PLCXD3: variants seen among roughly 807,000 people sequenced by gnomAD.
PLCXD3 encodes PI-PLC X domain-containing protein 3.
PLCXD3 carries 19 observed loss-of-function variants against 25.5 expected under a neutral mutation model. That is an observed-to-expected ratio of 0.75 (90% CI 0.52 to 1.09). The LOEUF is 1.09. PLCXD3 is among the 50% of genes least tolerant of loss of function. The pLI, the probability that PLCXD3 is intolerant of heterozygous loss-of-function variation, is 0.00. For synonymous variants in PLCXD3, 174 were observed against 137.6 expected, an observed-to-expected ratio of 1.26 and a Z score of -1.85; for missense variants, 411 against 388.1, an observed-to-expected ratio of 1.06 and a Z score of -0.50.
At chr5:41,403,401 GT>G (rs769067580) in intron 1 of PLCXD3, among the ~76,000 whole-genome samples, 654 of 18,434 alleles carry the variant, frequency 0.035, 124 homozygotes, top group African/African-American at 0.1. Flanking sequence ...CTTATTTGTT[GT>G]TTTTTTTTTT....
chr5:41,330,544 T>C (rs1357247792), intron 2 of PLCXD3, among the ~76,000 whole-genome samples: 2 of 152,178 alleles, frequency 1.3e-5, no homozygotes, highest in Non-Finnish European at 2.9e-5. Flanking sequence ...CCATTCCTTC[T>C]GAAACTATTC....
chr5:41,492,804 G>T (rs1020775961), intron 1 of PLCXD3, among the ~76,000 whole-genome samples: 2 of 152,186 alleles, frequency 1.3e-5, no homozygotes, highest in African/African-American at 4.8e-5. Context: ...GCACTTCTCT[G>T]TATTGGTTAT....
chr5:41,478,137 T>G (rs1003279209), intron 1 of PLCXD3, among the ~76,000 whole-genome samples: 1 of 152,186 alleles, frequency 6.6e-6, no homozygotes, highest in Non-Finnish European at 1.5e-5. Context: ...GACTTAACAC[T>G]TTGCCTTTTA....
chr5:41,354,791 A>G (rs763790211), intron 2 of PLCXD3, among the ~76,000 whole-genome samples: 1 of 152,190 alleles, frequency 6.6e-6, no homozygotes, highest in Non-Finnish European at 1.5e-5. Flanking sequence ...AAATCTGATC[A>G]TGTTAGTTCC....
At chr5:41,414,691 GA>G in intron 1 of PLCXD3, among the ~76,000 whole-genome samples, 1 of 152,288 alleles carries the variant, frequency 6.6e-6, no homozygotes, top group Non-Finnish European at 1.5e-5. Flanking sequence ...ATGTTAAATG[GA>G]AAATTCCAGA....
chr5:41,397,213 G>A (rs1746033981), intron 1 of PLCXD3, among the ~76,000 whole-genome samples: 1 of 152,208 alleles, frequency 6.6e-6, no homozygotes, highest in Admixed American at 6.5e-5. Context: ...GGAGGCCTGT[G>A]AGGGAAGCAT....
chr5:41,398,534 C>T (rs1053361705), intron 1 of PLCXD3, among the ~76,000 whole-genome samples: 1 of 152,006 alleles, frequency 6.6e-6, no homozygotes, highest in Non-Finnish European at 1.5e-5. Flanking sequence ...AACATAATGA[C>T]CAAGAGGGAT....
chr5:41,479,445 A>T (rs1281067420), intron 1 of PLCXD3, among the ~76,000 whole-genome samples: 1 of 152,182 alleles, frequency 6.6e-6, no homozygotes, highest in Non-Finnish European at 1.5e-5. Flanking sequence ...AATGTACTTA[A>T]TGCCACAGAA....
Position 41,451,211 on chromosome 5 carries a change from G to A in PLCXD3, c.103+59213C>T, listed in dbSNP as rs568598951. ...CCTCAACGTAACCTGAGACATCTTA[G>A]TCAAAAGCAGAAATGGACAAGTAAA... On this transcript the variant is annotated intron_variant, in intron 1 of 2. Transcript: ENST00000377801. Among the ~76,000 whole-genome samples the A allele has an allele frequency of 7.2e-5, 11 of 152,134 alleles. No individual in the cohort carries two copies. In the South Asian group the frequency reaches 2.3e-3, roughly 32 times the overall value.
intron 2 of PLCXD3, among the ~76,000 whole-genome samples, chr5:41,323,699 T>G (rs1743542999): frequency 6.6e-6 from 1 of 152,102 alleles, no homozygotes; most frequent in Non-Finnish European, 1.5e-5. Context: ...AGTGGTTGCT[T>G]GAATTGCAGT....
chr5:41,474,182 T>A (rs1016289148), intron 1 of PLCXD3, among the ~76,000 whole-genome samples: 12 of 152,188 alleles, frequency 7.9e-5, no homozygotes, highest in Non-Finnish European at 1.8e-4. Flanking sequence ...AGGCAGCCCC[T>A]GAGCTTCCAC....
At chr5:41,509,460 G>T (rs879573859) in intron 1 of PLCXD3, among the ~76,000 whole-genome samples, 1 of 152,172 alleles carries the variant, frequency 6.6e-6, no homozygotes, top group Admixed American at 6.5e-5. Context: ...GATCTAGGGG[G>T]TTGTTAGGAG....
chr5:41,492,957 G>A (rs1748738206), intron 1 of PLCXD3, among the ~76,000 whole-genome samples: 1 of 152,210 alleles, frequency 6.6e-6, no homozygotes, highest in Non-Finnish European at 1.5e-5. Flanking sequence ...CTCCAGCTTT[G>A]TTCCATTGCT....
At chr5:41,371,060 A>G (rs969080871) in intron 2 of PLCXD3, among the ~76,000 whole-genome samples, 2 of 152,132 alleles carry the variant, frequency 1.3e-5, no homozygotes, top group Admixed American at 1.3e-4. Context: ...TAATTTGAAG[A>G]GTTTGCATTT....
At chr5:41,395,408 A>T (rs527756970) in intron 1 of PLCXD3, among the ~76,000 whole-genome samples, 1 of 152,214 alleles carries the variant, frequency 6.6e-6, no homozygotes, top group South Asian at 2.1e-4. Flanking sequence ...ATAATCTTAA[A>T]GAACTAGAAA....
In PLCXD3 at chr5:41,382,293, A is replaced by T. The variant is rs779389425; in HGVS notation, c.345T>A (p.Gly115=). The change falls in exon 2 of 3, where the codon GGT becomes GGA. Residue 115 remains glycine (G), a synonymous_variant. Transcript: ENST00000377801. The stretch of plus-strand genomic sequence containing the variant: ...CTTCATTGACTTTGGCACTGAACAA[A>T]CCATGAGCAAAATAGAGTTCATTGT... ...DPDNELYFAH[G]LFSAKVNEGL... The T allele has an allele frequency of 2.9e-5, 47 of 1,613,428 alleles. No homozygotes were observed. Among genetic ancestry groups the T allele is most frequent in the Middle Eastern group, 1.6e-4 (1 of 6,076 alleles).
intron 2 of PLCXD3, among the ~76,000 whole-genome samples, chr5:41,319,231 C>T (rs1051973441): frequency 2.0e-5 from 3 of 152,102 alleles, no homozygotes; most frequent in African/African-American, 7.2e-5. Flanking sequence ...CAAGAAACAT[C>T]AGACTTAATC....
intron 1 of PLCXD3, among the ~76,000 whole-genome samples, chr5:41,446,049 G>A (rs568737121): frequency 1.3e-5 from 2 of 151,098 alleles, no homozygotes; most frequent in South Asian, 2.1e-4. Context: ...TTAGCTGGGC[G>A]TAGTGGCGGG....
In PLCXD3 at chr5:41,309,548, C is replaced by T. The variant is rs1276010021; in HGVS notation, c.*4069G>A. The T allele has an allele frequency of 2.6e-5, 4 of 152,298 alleles. No homozygotes were observed. The highest frequency in any genetic ancestry group is 1.5e-5 in the Non-Finnish European group (1 of 68,012). 9.4% of individuals were successfully genotyped at this position (152,298 alleles called of 1,614,324 possible). ...GTGACCAAAGATTAAAAGATTGTGTCGTTGGATCTGTAAAACTGTGAAACT... is the reference window on the plus strand; with the variant it reads ...GTGACCAAAGATTAAAAGATTGTGTTGTTGGATCTGTAAAACTGTGAAACT... On this transcript the variant is annotated 3_prime_UTR_variant, in exon 3 of 3. Transcript: ENST00000377801.
Sources: allele counts gnomAD v4.1 joint callset (sites outside exome capture counted in the v4.1 genomes callset), GRCh38; gene constraint gnomAD v4.1.1; transcripts MANE v1.5; gene names NCBI Gene and HGNC (gene_info 2026-07-23, HGNC 2026-07-21).